Variants in DCLK1 observed in about 807,000 individuals in gnomAD.
DCLK1 encodes the protein doublecortin like kinase 1, also known as serine/threonine-protein kinase DCLK1.
In DCLK1, 16 loss-of-function variants were observed where a neutral mutation model predicts 86.2. That is an observed-to-expected ratio of 0.19 (90% CI 0.13 to 0.28). DCLK1 has a LOEUF of 0.28. Ranked by LOEUF, DCLK1 falls within the 10% of genes least tolerant of loss-of-function variation. The probability of loss-of-function intolerance (pLI) is 1.00; values close to 1 mark genes in which losing one functional copy is unlikely to be tolerated. For synonymous variants in DCLK1, 369 were observed against 370.5 expected, an observed-to-expected ratio of 1.00 and a Z score of 0.05; for missense variants, 590 against 940.2, an observed-to-expected ratio of 0.63 and a Z score of 4.87.
intron 3 of DCLK1, among the ~76,000 whole-genome samples, chr13:36,078,094 G>A (rs1451277727): frequency 6.6e-6 from 1 of 152,284 alleles, no homozygotes; most frequent in Non-Finnish European, 1.5e-5. Context: ...TCATGAGGGT[G>A]GAGCCCCCAT....
chr13:35,894,913 A>G (rs1433509597), intron 4 of DCLK1, among the ~76,000 whole-genome samples: 6 of 152,184 alleles, frequency 3.9e-5, no homozygotes, highest in Non-Finnish European at 8.8e-5. Context: ...GCATGATTAC[A>G]AAGATAATCA....
chr13:35,814,283 A>G (rs1371948677), intron 11 of DCLK1, among the ~76,000 whole-genome samples: 3 of 152,224 alleles, frequency 2.0e-5, no homozygotes, highest in African/African-American at 7.2e-5. Flanking sequence ...GCACACACAC[A>G]CAGCCTCACA....
chr13:36,014,132 C>T (rs144107572), intron 3 of DCLK1, among the ~76,000 whole-genome samples: 6 of 152,162 alleles, frequency 3.9e-5, no homozygotes, highest in South Asian at 2.1e-4. Context: ...GAGATGAACC[C>T]GGTACCTCAG....
chr13:35,802,756 A>C (rs923757621), intron 15 of DCLK1, among the ~76,000 whole-genome samples: 1 of 152,224 alleles, frequency 6.6e-6, no homozygotes, highest in Admixed American at 6.5e-5. Context: ...TTTAAGCATC[A>C]TTAAAAAAAA....
At chr13:35,848,917 T>A (rs1870403852) in intron 6 of DCLK1, 1 of 985,356 alleles carries the variant, frequency 1.0e-6, no homozygotes, top group Non-Finnish European at 1.2e-6. Context: ...TCAGCTAAAA[T>A]AAAGCAGCCT....
At chr13:35,954,760 A>C (rs1206621254) in intron 3 of DCLK1, among the ~76,000 whole-genome samples, 1 of 152,138 alleles carries the variant, frequency 6.6e-6, no homozygotes, top group African/African-American at 2.4e-5. Context: ...GTTAAATAAT[A>C]ATAATTAACA....
In DCLK1 at chr13:35,802,085, G is replaced by A. The variant is rs1442754483; in HGVS notation, c.1944+3614C>T. Among the ~76,000 whole-genome samples the A allele has an allele frequency of 4.6e-5, 7 of 152,222 alleles. No homozygotes were observed. The East Asian group carries it at 1.4e-3, about 29-fold the overall frequency. ...GTTCTCACTACCCTGGAACTGTCTG[G>A]TTGTATCAGACTTTGTTCCTAGAAG... On this transcript the variant is annotated intron_variant, in intron 15 of 16. Coordinates refer to ENST00000360631, the MANE Select transcript of DCLK1 (RefSeq NM_001330071.2).
At chr13:35,939,895 C>CAAAT (rs1402684165) in intron 4 of DCLK1, among the ~76,000 whole-genome samples, 1 of 152,114 alleles carries the variant, frequency 6.6e-6, no homozygotes, top group African/African-American at 2.4e-5. Flanking sequence ...AGTCATTTTA[C>CAAAT]CACAGTATGT....
Position 35,808,261 on chromosome 13 carries a change from G to A in DCLK1, c.1826C>T (p.Pro609Leu), listed in dbSNP as rs554236550. The change falls in exon 14 of 17, where the codon CCT (proline) becomes CTT (leucine). Residue 609 changes from proline (P) to leucine (L), a missense_variant. This residue lies in a region of DCLK1 where 146 missense variants were observed against 190.2 expected (regional missense o/e 0.77). Coordinates refer to ENST00000360631, the MANE Select transcript of DCLK1 (RefSeq NM_001330071.2). ...GGAAACATTATCCCAGTATGGAGAAGGAAAGTCCACCTGCCCCATCAAAAT... is the reference window on the plus strand; with the variant it reads ...GGAAACATTATCCCAGTATGGAGAAAGAAAGTCCACCTGCCCCATCAAAAT... ...DQILMGQVDF[P>L]SPYWDNVSDS... is the part of the protein sequence containing the mutation. 2 of 1,614,064 alleles carry A rather than the reference G, an allele frequency of 1.2e-6. No homozygotes were observed. Among genetic ancestry groups the A allele is most frequent in the East Asian group, 4.5e-5 (2 of 44,878 alleles).
intron 3 of DCLK1, among the ~76,000 whole-genome samples, chr13:35,968,926 C>T (rs2153139001): frequency 6.6e-6 from 1 of 152,322 alleles, no homozygotes; most frequent in South Asian, 2.1e-4. Context: ...CCAAATACGT[C>T]CTAACCAATC....
intron 3 of DCLK1, among the ~76,000 whole-genome samples, chr13:36,070,703 G>A (rs1299232820): frequency 2.6e-5 from 4 of 151,768 alleles, no homozygotes; most frequent in South Asian, 2.1e-4. Flanking sequence ...GTGCAATGGC[G>A]CAATCTCGGC....
At chr13:35,956,178 C>A (rs1877965934) in intron 3 of DCLK1, among the ~76,000 whole-genome samples, 1 of 152,146 alleles carries the variant, frequency 6.6e-6, no homozygotes, top group African/African-American at 2.4e-5. Flanking sequence ...TACAAATAAA[C>A]TCTGGTCTGA....
At chr13:35,979,089 A>G (rs1879509292) in intron 3 of DCLK1, among the ~76,000 whole-genome samples, 1 of 152,216 alleles carries the variant, frequency 6.6e-6, no homozygotes. Flanking sequence ...AGCTGTTCCC[A>G]GTACCCAATC....
In DCLK1 at chr13:35,850,650, A is replaced by T. The variant is rs143344824; in HGVS notation, c.1035+3849T>A. 1,979 of 1,450,390 alleles carry T rather than the reference A, an allele frequency of 1.4e-3. 16 individuals carry two copies. In the African/African-American group the frequency reaches 0.016, roughly 12 times the overall value. The allele number at this position is 1,450,390 out of a possible 1,614,324, so 89.8% of individuals were successfully genotyped here. On this transcript the variant is annotated intron_variant, in intron 6 of 16. Transcript: ENST00000360631. The stretch of plus-strand genomic sequence containing the variant: ...AAAACTCTTTTGTGTATTTTGCTGT[A>T]AGACTTTTGCTTCAGAAATGTGAAA...
chr13:35,846,484 A>G (rs1389953211), intron 6 of DCLK1: 2 of 985,272 alleles, frequency 2.0e-6, no homozygotes, highest in African/African-American at 3.5e-5. Context: ...GAATTTATCC[A>G]TAATCTACTA....
intron 3 of DCLK1, among the ~76,000 whole-genome samples, chr13:35,968,963 T>C (rs1878925607): frequency 6.6e-6 from 1 of 152,150 alleles, no homozygotes; most frequent in South Asian, 2.1e-4. Flanking sequence ...AACAAAATGC[T>C]CATCTACAGT....
chr13:36,080,420 T>C (rs1254497406), intron 3 of DCLK1, among the ~76,000 whole-genome samples: 1 of 152,166 alleles, frequency 6.6e-6, no homozygotes, highest in Non-Finnish European at 1.5e-5. Flanking sequence ...TTCTGGTCCA[T>C]GTCGGGTTAT....
chr13:35,989,711 CT>C lies in DCLK1; in HGVS notation c.724-42255del, dbSNP rs567228278. Among the ~76,000 whole-genome samples, 890 of 134,120 alleles carry C rather than the reference CT, an allele frequency of 6.6e-3. 4 individuals are homozygous for C. The highest frequency in any genetic ancestry group is 0.016 in the Middle Eastern group (4 of 250). 88.0% of individuals were successfully genotyped at this position (134,120 alleles called of 152,430 possible). On this transcript the variant is annotated intron_variant, in intron 3 of 16. Coordinates refer to ENST00000360631, the MANE Select transcript of DCLK1 (RefSeq NM_001330071.2). ...TGCACCATCATGCCTGGCTAATTGG[CT>C]TTTTTTTTTTTTTTTCCTTTAAGAG... is the stretch of plus-strand genomic sequence containing the variant.
intron 4 of DCLK1, among the ~76,000 whole-genome samples, chr13:35,944,823 T>G (rs1162703779): frequency 1.3e-5 from 2 of 151,578 alleles, no homozygotes; most frequent in Non-Finnish European, 2.9e-5. Context: ...TGTCCTGGGG[T>G]GTGTGTGTGT....
Sources: gnomAD v4.1 joint callset for allele counts (sites outside exome capture counted in the v4.1 genomes callset) on GRCh38, gnomAD v4.1.1 for gene constraint, gnomAD v4.1.1 regional missense constraint, MANE v1.5 for transcripts, NCBI Gene and HGNC (gene_info 2026-07-23, HGNC 2026-07-21) for gene names.